Variants in ATP7A observed in about 807,000 individuals in gnomAD.
ATP7A encodes ATPase copper transporting alpha, also known as copper-transporting ATPase 1.
ATP7A carries 7 observed loss-of-function variants against 83.5 expected under a neutral mutation model. The ratio of observed to expected loss-of-function variants is 0.08; its 90% CI spans 0.05 to 0.16. The LOEUF (loss-of-function observed/expected upper bound fraction) is 0.16. ATP7A is among the 10% of genes least tolerant of loss of function. The pLI is 1.00. For missense variants in ATP7A, 940 were observed against 1,120.8 expected (o/e 0.84, Z 2.30); for synonymous variants, 354 against 395.2 (o/e 0.90, Z 1.24).
chrX:77,987,392 TA>T (rs1557231460), intron 2 of ATP7A, among the ~76,000 whole-genome samples: 1 of 109,464 alleles, frequency 9.1e-6, no homozygotes, highest in Non-Finnish European at 1.9e-5. Flanking sequence ...GGTTAGCTAA[TA>T]AGTGGAGAAT....
intron 2 of ATP7A, among the ~76,000 whole-genome samples, chrX:77,978,650 A>G (rs371445150): frequency 9.0e-6 from 1 of 111,084 alleles, no homozygotes; most frequent in Non-Finnish European, 1.9e-5. Context: ...AACTATTTTT[A>G]TTTTCTTTAT....
At chrX:77,998,959 A>G (rs1557232853) in intron 5 of ATP7A, among the ~76,000 whole-genome samples, 1 of 110,702 alleles carries the variant, frequency 9.0e-6, no homozygotes, top group African/African-American at 3.3e-5. Flanking sequence ...ACTATTTTTT[A>G]TAGATCAATC....
At chrX:77,952,006 T>C (rs2077416169) in intron 1 of ATP7A, among the ~76,000 whole-genome samples, 1 of 112,293 alleles carries the variant, frequency 8.9e-6, no homozygotes, top group Non-Finnish European at 1.9e-5. Context: ...ATAAGTTTCC[T>C]CCAAGTTTTT....
intron 1 of ATP7A, among the ~76,000 whole-genome samples, chrX:77,953,465 A>G (rs2077424845): frequency 1.8e-5 from 2 of 111,491 alleles, no homozygotes; most frequent in Admixed American, 9.6e-5. Flanking sequence ...ACATTGTTGA[A>G]AAGTAGCTGA....
intron 1 of ATP7A, among the ~76,000 whole-genome samples, chrX:77,916,819 G>T (rs899168405): frequency 9.0e-6 from 1 of 111,618 alleles, no homozygotes; most frequent in Non-Finnish European, 1.9e-5. Flanking sequence ...ATACAAAGAA[G>T]CATAAGGCAT....
chrX:78,015,339 A>G (rs1280535790), intron 11 of ATP7A, among the ~76,000 whole-genome samples: 1 of 112,122 alleles, frequency 8.9e-6, no homozygotes, highest in Non-Finnish European at 1.9e-5. Context: ...TTTTGGTTTC[A>G]TTTAACTTGT....
chrX:78,025,679 C>T (rs1557236261), intron 14 of ATP7A, among the ~76,000 whole-genome samples: 1 of 110,921 alleles, frequency 9.0e-6, no homozygotes, highest in African/African-American at 3.3e-5. Flanking sequence ...TTAAAGGCAG[C>T]TACAGAAAAG....
At chrX:77,942,511 C>T (rs112214355) in intron 1 of ATP7A, among the ~76,000 whole-genome samples, 2,611 of 106,905 alleles carry the variant, frequency 0.024, 78 homozygotes, top group African/African-American at 0.085. Context: ...TGCAGTGGGG[C>T]GAGCATGGCT....
intron 5 of ATP7A, among the ~76,000 whole-genome samples, chrX:78,001,447 T>C (rs899088894): frequency 9.2e-6 from 1 of 108,965 alleles, no homozygotes; most frequent in Non-Finnish European, 1.9e-5. Context: ...CATTTATCCT[T>C]GTGTTATAAA....
chrX:78,023,936 A>G (rs782618957), intron 14 of ATP7A, among the ~76,000 whole-genome samples: 2 of 111,784 alleles, frequency 1.8e-5, no homozygotes, highest in Non-Finnish European at 3.8e-5. Flanking sequence ...GAGGTTTTAC[A>G]TCTAAGTCTT....
At chrX:78,033,520 A>T in intron 16 of ATP7A, 85 bp from the exon 17 acceptor site, 1 of 930,996 alleles carries the variant, frequency 1.1e-6, no homozygotes, top group South Asian at 2.1e-5. Context: ...AAACATTTAG[A>T]ATTAACTAGG....
In ATP7A at chrX:77,988,328, G is replaced by A. The variant is rs782290331; in HGVS notation, c.207G>A (p.Met69Ile). The A allele has an allele frequency of 4.0e-5, 48 of 1,203,858 alleles. No homozygotes were observed. Among genetic ancestry groups the A allele is most frequent in the Non-Finnish European group, 5.0e-5 (45 of 891,956 alleles). ...PKTLQEAIDDMGFDAVIHNPD... is the reference protein window; with the variant it reads ...PKTLQEAIDDIGFDAVIHNPD... ...CCCTACAGGAAGCTATTGATGACAT[G>A]GGCTTTGATGCTGTTATCCATAATC... Residue 69 changes from methionine (M) to isoleucine (I), a missense_variant, in exon 3 of 23, where the codon ATG (methionine) becomes ATA (isoleucine). Met to Ile is a conservative substitution (Grantham distance 10, BLOSUM62 1). This residue lies in a region of ATP7A where 350 missense variants were observed against 432.8 expected (regional missense o/e 0.81). Coordinates refer to ENST00000341514, the MANE Select transcript of ATP7A (RefSeq NM_000052.7).
Position 77,948,289 on chromosome X carries a change from C to T in ATP7A, c.-21-23332C>T, listed in dbSNP as rs182442017. Reference sequence around the variant, plus strand: ...ACTACAGGCGCCCATCACTACGCCCCGCTAATGTTTTTGTATTTTTAGTAG... The same window carrying T: ...ACTACAGGCGCCCATCACTACGCCCTGCTAATGTTTTTGTATTTTTAGTAG... On this transcript the variant is annotated intron_variant, in intron 1 of 22. Transcript: ENST00000341514. Among the ~76,000 whole-genome samples the T allele has an allele frequency of 4.4e-3, 483 of 108,828 alleles. 1 individual carries two copies. Among genetic ancestry groups the T allele is most frequent in the Non-Finnish European group, 6.4e-3 (334 of 52,501 alleles). 94.5% of individuals were successfully genotyped at this position (108,828 alleles called of 115,157 possible).
intron 4 of ATP7A, among the ~76,000 whole-genome samples, chrX:77,995,863 C>T (rs2077700651): frequency 9.0e-6 from 1 of 110,972 alleles, no homozygotes. Flanking sequence ...CCTGTCTCAG[C>T]CTCCCAAGTA....
Position 78,015,745 on chromosome X carries a change from T to C in ATP7A, c.2499-9T>C, listed in dbSNP as rs1557235070. The C allele has an allele frequency of 1.8e-5, 22 of 1,209,745 alleles. No homozygotes were observed. Among genetic ancestry groups the C allele is most frequent in the Non-Finnish European group, 2.5e-5 (22 of 895,024 alleles). ...TATCATGGTGCTTTTTATGTTAACT[T>C]ATATCCAGTGAAGAACAAGTGGATG... On this transcript the variant is annotated splice_polypyrimidine_tract_variant and intron_variant, in intron 11 of 22. Transcript: ENST00000341514.
At chrX:77,915,372 A>G in intron 1 of ATP7A, among the ~76,000 whole-genome samples, 1 of 108,479 alleles carries the variant, frequency 9.2e-6, no homozygotes, top group East Asian at 2.9e-4. Flanking sequence ...TCCAGGTGCT[A>G]GACTGTCTAG....
chrX:77,919,048 C>T (rs781814635), intron 1 of ATP7A, among the ~76,000 whole-genome samples: 2 of 111,626 alleles, frequency 1.8e-5, no homozygotes, highest in South Asian at 7.4e-4. Context: ...ATAACTGCCT[C>T]GTCTAATTCA....
At chrX:78,038,702 T>A in intron 17 of ATP7A, 134 bp from the exon 18 acceptor site, 1 of 724,637 alleles carries the variant, frequency 1.4e-6, no homozygotes, top group Non-Finnish European at 2.0e-6. Flanking sequence ...AATTTGAACA[T>A]CACTGTTGGA....
intron 1 of ATP7A, among the ~76,000 whole-genome samples, chrX:77,967,916 G>C (rs2077519137): frequency 4.5e-5 from 5 of 110,874 alleles, no homozygotes; most frequent in African/African-American, 1.6e-4. Flanking sequence ...AAGTTTCTCT[G>C]AGCTCACCAA....
Sources: allele counts gnomAD v4.1 joint callset (sites outside exome capture counted in the v4.1 genomes callset), GRCh38; gene constraint gnomAD v4.1.1; regional missense constraint gnomAD v4.1.1; transcripts MANE v1.5; gene names NCBI Gene and HGNC (gene_info 2026-07-23, HGNC 2026-07-21).